Variants in SLC24A2 observed in about 807,000 individuals in gnomAD.
SLC24A2 encodes the protein solute carrier family 24 member 2.
Under a neutral mutation model 62.0 loss-of-function variants are expected in SLC24A2, and 36 were observed. The observed-to-expected ratio is 0.58, with a 90% confidence interval of 0.44 to 0.77. The LOEUF (loss-of-function observed/expected upper bound fraction) is 0.77. Among genes scored for constraint, SLC24A2 ranks in the 30% least tolerant of loss-of-function variants. The pLI, the probability that SLC24A2 is intolerant of heterozygous loss-of-function variation, is 0.00. For missense variants in SLC24A2, 846 were observed against 817.9 expected, an observed-to-expected ratio of 1.03 and a Z score of -0.42; for synonymous variants, 358 against 294.0, an observed-to-expected ratio of 1.22 and a Z score of -2.23.
At chr9:20,152,608 A>G in the SLC24A2 span, among the ~76,000 whole-genome samples, 3 of 151,922 alleles carry the variant, frequency 2.0e-5, no homozygotes, top group East Asian at 5.8e-4. Flanking sequence ...CTATTAAACA[A>G]CAAGCTGAAA....
At chr9:20,039,632 G>C in the SLC24A2 span, among the ~76,000 whole-genome samples, 1 of 152,064 alleles carries the variant, frequency 6.6e-6, no homozygotes, top group African/African-American at 2.4e-5. Flanking sequence ...CCACTCCCCA[G>C]GGGTGGCTCA....
intron 2 of SLC24A2, among the ~76,000 whole-genome samples, chr9:19,785,661 C>T (rs1408193489): frequency 6.6e-6 from 1 of 152,216 alleles, no homozygotes; most frequent in African/African-American, 2.4e-5. Flanking sequence ...AGACAAATAA[C>T]TGCTGAATTG....
the SLC24A2 span, among the ~76,000 whole-genome samples, chr9:20,107,606 AT>A: frequency 6.6e-6 from 1 of 152,240 alleles, no homozygotes. Context: ...AGGATTCCCC[AT>A]TTCATAAATG....
chr9:19,983,477 T>C, the SLC24A2 span, among the ~76,000 whole-genome samples: 1 of 152,114 alleles, frequency 6.6e-6, no homozygotes, highest in Non-Finnish European at 1.5e-5. Flanking sequence ...ACCCCGTCTC[T>C]ACTAAAAACA....
At chr9:19,542,593 T>C (rs1026517210) in intron 8 of SLC24A2, among the ~76,000 whole-genome samples, 6 of 152,234 alleles carry the variant, frequency 3.9e-5, no homozygotes, top group Non-Finnish European at 7.3e-5. Flanking sequence ...AAACAGCTCT[T>C]ATTGAGATAC....
At chr9:20,271,380 C>A in the SLC24A2 span, among the ~76,000 whole-genome samples, 1 of 152,342 alleles carries the variant, frequency 6.6e-6, no homozygotes, top group East Asian at 1.9e-4. Context: ...AAGAGTGAGA[C>A]TGTGTGTCTT....
chr9:19,636,542 C>A (rs1818362328), intron 2 of SLC24A2, among the ~76,000 whole-genome samples: 2 of 151,088 alleles, frequency 1.3e-5, no homozygotes, highest in South Asian at 4.2e-4. Flanking sequence ...AGCGATTATT[C>A]TCCTACCTCA....
Position 19,784,717 on chromosome 9 carries a change from G to A in SLC24A2, c.930+1220C>T, listed in dbSNP as rs985338963. ...TGTCACATCTGAATGCTTGTTTGCC[G>A]TATATTTTGCTAAATGATTTTTTGG... On this transcript the variant is annotated intron_variant, in intron 2 of 10. Transcript: ENST00000341998. Among the ~76,000 whole-genome samples, 16 of 152,180 alleles carry A rather than the reference G, an allele frequency of 1.1e-4. No homozygotes were observed. The East Asian group carries it at 2.5e-3, about 24-fold the overall frequency.
In SLC24A2 at chr9:19,739,575, T is replaced by A. The variant is rs1002473238; in HGVS notation, c.930+46362A>T. On this transcript the variant is annotated intron_variant, in intron 2 of 10. Coordinates refer to ENST00000341998, the MANE Select transcript of SLC24A2 (RefSeq NM_020344.4). ...CTGCAGTGCAGTGAGGAAATAATAA[T>A]CTTTTCAATAAATAGTAGATCACTT... 2.0e-5 allele frequency among the ~76,000 whole-genome samples: 3 copies of A among 152,306 alleles called. No homozygotes were observed. In the South Asian group the frequency reaches 6.2e-4, roughly 32 times the overall value.
chr9:20,187,114 C>T, the SLC24A2 span, among the ~76,000 whole-genome samples: 13 of 152,284 alleles, frequency 8.5e-5, no homozygotes, highest in African/African-American at 3.1e-4. Context: ...TCTCCCCCAT[C>T]CCCATCCCAT....
rs1466015084 is a variant in SLC24A2 at position 19,509,198 on chromosome 9, A to C, written c.*6955T>G. ...AAATGGATTCCTGAAAAAAATCTAC[A>C]ATTTTAAAATAATTTCCATGTAGTA... On this transcript the variant is annotated 3_prime_UTR_variant, in exon 11 of 11. Coordinates refer to ENST00000341998, the MANE Select transcript of SLC24A2 (RefSeq NM_020344.4). 6.6e-6 allele frequency: 1 copy of C among 152,188 alleles called. No homozygotes were observed. Among genetic ancestry groups the C allele is most frequent in the Non-Finnish European group, 1.5e-5 (1 of 68,016 alleles). The allele number at this position is 152,188 out of a possible 1,614,324, so 9.4% of individuals were successfully genotyped here. A position where few individuals can be genotyped will look rare whatever the true frequency, so the allele number is the denominator to read the frequency against.
chr9:19,986,370 T>C, the SLC24A2 span, among the ~76,000 whole-genome samples: 9 of 151,690 alleles, frequency 5.9e-5, no homozygotes, highest in Admixed American at 1.3e-4. Flanking sequence ...TGTACAAAAC[T>C]GGCCGTTCCT....
At chr9:20,256,500 A>T in the SLC24A2 span, among the ~76,000 whole-genome samples, 1 of 152,034 alleles carries the variant, frequency 6.6e-6, no homozygotes, top group Non-Finnish European at 1.5e-5. Context: ...TTCCTCTCTC[A>T]GTTACCAACT....
At chr9:20,278,133 T>G in the SLC24A2 span, among the ~76,000 whole-genome samples, 4 of 152,044 alleles carry the variant, frequency 2.6e-5, no homozygotes, top group Non-Finnish European at 4.4e-5. Context: ...ATACCTAATG[T>G]AAATGACGAG....
the SLC24A2 span, among the ~76,000 whole-genome samples, chr9:19,952,011 T>C: frequency 3.3e-5 from 5 of 152,128 alleles, no homozygotes; most frequent in African/African-American, 9.6e-5. Flanking sequence ...CCTTTGGCAA[T>C]GTTTTGTAGT....
At chr9:19,520,558 GAATGTGAAC>G (rs1198089174) in intron 10 of SLC24A2, among the ~76,000 whole-genome samples, 7 of 152,200 alleles carry the variant, frequency 4.6e-5, no homozygotes, top group Middle Eastern at 3.4e-3. Context: ...ATTAAAATTA[GAATGTGAAC>G]CTTCTTATCA....
intron 5 of SLC24A2, among the ~76,000 whole-genome samples, chr9:19,586,602 A>C (rs535385514): frequency 1.7e-4 from 26 of 151,970 alleles, no homozygotes; most frequent in Middle Eastern, 3.4e-3. Context: ...CTTTTTTTAT[A>C]AAAAGATAAT....
At chr9:19,565,077 A>T (rs1259095502) in intron 7 of SLC24A2, among the ~76,000 whole-genome samples, 1 of 151,916 alleles carries the variant, frequency 6.6e-6, no homozygotes, top group Non-Finnish European at 1.5e-5. Context: ...TTCTCTCACC[A>T]CTCCTATTCA....
At chr9:20,057,138 A>G in the SLC24A2 span, among the ~76,000 whole-genome samples, 1 of 152,256 alleles carries the variant, frequency 6.6e-6, no homozygotes, top group Non-Finnish European at 1.5e-5. Flanking sequence ...TCACCTATAT[A>G]TTCACAAATA....
Sources: gnomAD v4.1 joint callset for allele counts (sites outside exome capture counted in the v4.1 genomes callset) on GRCh38, gnomAD v4.1.1 for gene constraint, MANE v1.5 for transcripts, NCBI Gene and HGNC (gene_info 2026-07-23, HGNC 2026-07-21) for gene names.